SYNE2: variants seen among roughly 807,000 people sequenced by gnomAD.
SYNE2 encodes spectrin repeat containing nuclear envelope protein 2.
In SYNE2, 431 loss-of-function variants were observed where a neutral mutation model predicts 856.3. The ratio of observed to expected loss-of-function variants is 0.50; its 90% confidence interval spans 0.47 to 0.55. SYNE2 has a LOEUF of 0.55. Among genes scored for constraint, SYNE2 ranks in the 20% least tolerant of loss-of-function variants. The pLI is 0.00. For missense variants in SYNE2, 8,129 were observed against 8,023.2 expected (o/e 1.01, Z -0.50); for synonymous variants, 2,923 against 2,872.3 (o/e 1.02, Z -0.56).
At chr14:63,946,909 G>A (rs2096040990) in intron 6 of SYNE2, among the ~76,000 whole-genome samples, 1 of 151,832 alleles carries the variant, frequency 6.6e-6, no homozygotes, top group African/African-American at 2.4e-5. Context: ...GAGTGCAGTG[G>A]CACAATCTTG....
intron 1 of SYNE2, among the ~76,000 whole-genome samples, chr14:63,826,132 T>C (rs1276201637): frequency 6.6e-6 from 1 of 152,054 alleles, no homozygotes; most frequent in Non-Finnish European, 1.5e-5. Flanking sequence ...CTTACACACT[T>C]CCCAATTTCA....
intron 45 of SYNE2, 70 bp downstream of exon 45, chr14:64,031,427 G>A: frequency 7.3e-7 from 1 of 1,374,870 alleles, no homozygotes; most frequent in Non-Finnish European, 1.0e-6. Flanking sequence ...TCTGAAAAGA[G>A]GGTCGTGAAT....
chr14:64,032,328 A>G (rs1291769435), intron 45 of SYNE2, among the ~76,000 whole-genome samples: 6 of 152,086 alleles, frequency 3.9e-5, no homozygotes, highest in Non-Finnish European at 8.8e-5. Context: ...TAATCCTAGC[A>G]CTTTGAGAGG....
intron 1 of SYNE2, among the ~76,000 whole-genome samples, chr14:63,787,000 C>T (rs1887554362): frequency 6.6e-6 from 1 of 152,062 alleles, no homozygotes; most frequent in South Asian, 2.1e-4. Flanking sequence ...TGGGCTCAAG[C>T]AATCCACCTG....
intron 1 of SYNE2, among the ~76,000 whole-genome samples, chr14:63,815,873 T>C (rs1018032830): frequency 1.1e-4 from 16 of 152,050 alleles, no homozygotes; most frequent in Non-Finnish European, 2.4e-4. Flanking sequence ...ACTCAGAAAC[T>C]GAGTTTATAA....
chr14:64,122,209 T>C, intron 69 of SYNE2, 76 bp downstream of exon 69: 3 of 1,614,044 alleles, frequency 1.9e-6, no homozygotes, highest in Non-Finnish European at 2.5e-6. Flanking sequence ...CTTTTAAAAA[T>C]TGCTCATAGA....
chr14:64,074,280 G>A, intron 53 of SYNE2, 144 bp downstream of exon 53: 1 of 815,984 alleles, frequency 1.2e-6, no homozygotes, highest in South Asian at 1.4e-5. Context: ...AGGCCCTGTG[G>A]CATGGTATGG....
rs529307581 is a variant in SYNE2, at chr14:64,153,697, C to T, written c.15792+981C>T. Among the ~76,000 whole-genome samples, 8 of 152,218 alleles carry T rather than the reference C, an allele frequency of 5.3e-5. No individual in the cohort carries two copies. In the South Asian group the frequency reaches 1.5e-3, roughly 28 times the overall value. On this transcript the variant is annotated intron_variant, in intron 85 of 115. Coordinates refer to ENST00000555002, the MANE Select transcript of SYNE2 (RefSeq NM_182914.3). Reference sequence around the variant, plus strand: ...TAAACAAGAAAATAAATGAATCCTACCCTCAAAGAACTCATAGGCTAGTGG... The same window carrying T: ...TAAACAAGAAAATAAATGAATCCTATCCTCAAAGAACTCATAGGCTAGTGG...
At chr14:63,773,069 C>T (rs1240372708) in intron 1 of SYNE2, among the ~76,000 whole-genome samples, 2 of 151,922 alleles carry the variant, frequency 1.3e-5, no homozygotes, top group Admixed American at 6.6e-5. Context: ...TGAGCCACTG[C>T]GCCCAGCCTA....
chr14:64,214,208 A>G lies in SYNE2; in HGVS notation c.19071A>G (p.Glu6357=), dbSNP rs148446858. 8.1e-6 allele frequency: 13 copies of G among 1,614,212 alleles called. No individual in the cohort carries two copies. The highest frequency in any genetic ancestry group is 1.1e-5 in the Non-Finnish European group (13 of 1,180,044). Residue 6357 remains glutamate (E), a synonymous_variant, in exon 106 of 116, where the codon GAA becomes GAG. Coordinates refer to ENST00000555002, the MANE Select transcript of SYNE2 (RefSeq NM_182914.3). ...CTGTGGTTTAGGGCTTGGAAGATGAAAAGGAGGCCTCTGAGAATGAAACAG... is the reference window on the plus strand; with the variant it reads ...CTGTGGTTTAGGGCTTGGAAGATGAGAAGGAGGCCTCTGAGAATGAAACAG... ...LTSCTPGLED[E]KEASENETDM... is the part of the protein sequence containing the mutation.
chr14:63,785,184 G>A (rs1470910363), intron 1 of SYNE2, among the ~76,000 whole-genome samples: 1 of 152,058 alleles, frequency 6.6e-6, no homozygotes, highest in African/African-American at 2.4e-5. Flanking sequence ...CTTCAGGCCA[G>A]GCACGGTGGC....
upstream of SYNE2, among the ~76,000 whole-genome samples, chr14:63,848,949 C>A (rs1331903116): frequency 6.6e-6 from 1 of 152,196 alleles, no homozygotes; most frequent in African/African-American, 2.4e-5. Flanking sequence ...CAACTTGCAT[C>A]TTGTTGGATG....
intron 45 of SYNE2, among the ~76,000 whole-genome samples, chr14:64,040,255 C>T (rs1277927033): frequency 6.6e-6 from 1 of 152,002 alleles, no homozygotes; most frequent in East Asian, 1.9e-4. Context: ...GTACTCATCA[C>T]ATCAAATGAG....
chr14:64,202,726 CACT>C, intron 99 of SYNE2, 72 bp from the exon 100 acceptor site: 1 of 1,594,392 alleles, frequency 6.3e-7, no homozygotes, highest in South Asian at 1.1e-5. Context: ...ATTCTTCCAC[CACT>C]AAGTATTGGG....
At chr14:63,839,997 G>A (rs1031083199) in intron 1 of SYNE2, among the ~76,000 whole-genome samples, 9 of 152,164 alleles carry the variant, frequency 5.9e-5, no homozygotes, top group East Asian at 3.8e-4. Context: ...GGCCGGGCAC[G>A]GTGGCTCACG....
chr14:64,169,124 G>A (rs2098398023), intron 93 of SYNE2, among the ~76,000 whole-genome samples, 153 bp downstream of exon 93: 1 of 152,164 alleles, frequency 6.6e-6, no homozygotes, highest in Non-Finnish European at 1.5e-5. Flanking sequence ...TAACTATGTA[G>A]TGGGACTAGA....
rs2097230580 is a variant in SYNE2 at position 64,051,940 on chromosome 14, A to G, written c.8027A>G (p.Lys2676Arg). 1 of 1,613,782 alleles carries G rather than the reference A, an allele frequency of 6.2e-7. No homozygotes were observed. The highest frequency in any genetic ancestry group is 1.7e-5 in the Admixed American group (1 of 60,004). Residue 2676 changes from lysine to arginine, a missense_variant, in exon 48 of 116, where the codon AAG becomes AGG. Physicochemically the swap from Lys to Arg is conservative, Grantham distance 26. This residue lies in a region of SYNE2 where 5,410 missense variants were observed against 5,284.8 expected (regional missense o/e 1.02). Coordinates refer to ENST00000555002, the MANE Select transcript of SYNE2 (RefSeq NM_182914.3). ...TTGACCACTGACCTCCAGGCTACCA[A>G]GCATGGATTTTCTGTTTTAAAGGGG... ...IALTTDLQAT[K>R]HGFSVLKGQA...
In SYNE2 at chr14:63,955,045, T is replaced by C; in HGVS notation, c.787+130T>C. ...TCCTGGAGGGTTTAACTTAAGCTCT[T>C]TATCGAATTTGATGCAATCAAACAA... On this transcript the variant is annotated intron_variant, in intron 8 of 115. Coordinates refer to ENST00000555002, the MANE Select transcript of SYNE2 (RefSeq NM_182914.3). 9.2e-6 allele frequency: 7 copies of C among 761,780 alleles called. No individual in the cohort carries two copies. The South Asian group carries it at 1.1e-4, about 12-fold the overall frequency. 47.2% of individuals were successfully genotyped at this position (761,780 alleles called of 1,614,324 possible).
At chr14:64,017,881 AT>A in intron 34 of SYNE2, 125 bp downstream of exon 34, 1 of 955,762 alleles carries the variant, frequency 1.0e-6, no homozygotes, top group Non-Finnish European at 1.6e-6. Context: ...AATCACAGAC[AT>A]TTTTGGATCA....
Sources: allele counts gnomAD v4.1 joint callset (sites outside exome capture counted in the v4.1 genomes callset), GRCh38; gene constraint gnomAD v4.1.1; regional missense constraint gnomAD v4.1.1; transcripts MANE v1.5; gene names NCBI Gene and HGNC (gene_info 2026-07-23, HGNC 2026-07-21).